The following OPCML variants were observed in gnomAD, a reference collection of about 807,000 sequenced individuals.
The protein encoded by OPCML is opioid binding protein/cell adhesion molecule like, also known as opioid-binding protein/cell adhesion molecule.
In OPCML, 13 loss-of-function variants were observed where a neutral mutation model predicts 37.8. The observed-to-expected ratio is 0.34, with a 90% CI of 0.22 to 0.55. The LOEUF is 0.55. Ranked by LOEUF, OPCML falls within the 20% of genes least tolerant of loss-of-function variation. The pLI is 0.91. For synonymous variants in OPCML, 176 were observed against 168.8 expected (o/e 1.04, Z -0.33); for missense variants, 341 against 435.6 (o/e 0.78, Z 1.93).
At chr11:132,877,190 A>T (rs1317227076) in intron 2 of OPCML, among the ~76,000 whole-genome samples, 1 of 152,154 alleles carries the variant, frequency 6.6e-6, no homozygotes, top group Non-Finnish European at 1.5e-5. Context: ...AAAATGTGAG[A>T]TTCATCTTTT....
intron 2 of OPCML, among the ~76,000 whole-genome samples, chr11:132,690,766 T>C (rs949387016): frequency 6.6e-6 from 1 of 152,120 alleles, no homozygotes; most frequent in African/African-American, 2.4e-5. Flanking sequence ...AGCATTGGGG[T>C]TAATAAAGCC....
chr11:132,479,008 A>G (rs972438836), intron 4 of OPCML, among the ~76,000 whole-genome samples: 3 of 152,318 alleles, frequency 2.0e-5, no homozygotes, highest in Admixed American at 2.0e-4. Flanking sequence ...AATGCACAGA[A>G]TTAGTTCTTA....
At chr11:133,015,187 G>A (rs1019474025) in intron 1 of OPCML, among the ~76,000 whole-genome samples, 4 of 152,150 alleles carry the variant, frequency 2.6e-5, no homozygotes, top group African/African-American at 9.7e-5. Context: ...TTGATTGATA[G>A]AGTGATAGAT....
At chr11:133,442,112 G>A (rs1446216517) in intron 1 of OPCML, among the ~76,000 whole-genome samples, 1 of 152,178 alleles carries the variant, frequency 6.6e-6, no homozygotes, top group Non-Finnish European at 1.5e-5. Context: ...GCAAAGAAAG[G>A]AGACGTTGCC....
rs184748999 is a variant in OPCML, at chr11:132,478,169, G to T, written c.506-40810C>A. ...TATAATACAGTATATAATAAATTTG[G>T]CTGTATTCAAATAGACTTAGAATCA... On this transcript the variant is annotated intron_variant, in intron 4 of 7. Transcript: ENST00000524381. Among the ~76,000 whole-genome samples the T allele has an allele frequency of 3.7e-4, 56 of 152,260 alleles. No individual in the cohort carries two copies. In the East Asian group the frequency reaches 8.3e-3, roughly 23 times the overall value.
intron 1 of OPCML, among the ~76,000 whole-genome samples, chr11:133,218,814 G>C (rs926987886): frequency 2.0e-5 from 3 of 152,114 alleles, no homozygotes; most frequent in African/African-American, 7.2e-5. Context: ...CTTTGGAATT[G>C]GCACTCATCT....
At chr11:132,479,834 CAAACAG>C (rs2137008316) in intron 4 of OPCML, among the ~76,000 whole-genome samples, 1 of 152,274 alleles carries the variant, frequency 6.6e-6, no homozygotes, top group African/African-American at 2.4e-5. Context: ...GGAAAACTAA[CAAACAG>C]AAAGGACATC....
At chr11:132,678,886 G>C (rs1378311729) in intron 2 of OPCML, among the ~76,000 whole-genome samples, 1 of 152,122 alleles carries the variant, frequency 6.6e-6, no homozygotes, top group East Asian at 1.9e-4. Flanking sequence ...CAGTCTGCCA[G>C]TGATGATGTG....
intron 1 of OPCML, among the ~76,000 whole-genome samples, chr11:132,956,033 C>A (rs999451570): frequency 6.6e-6 from 1 of 152,116 alleles, no homozygotes; most frequent in Non-Finnish European, 1.5e-5. Flanking sequence ...TATCTCTAAC[C>A]CATACCCTCC....
At chr11:133,350,499 G>A (rs1944111137) in intron 1 of OPCML, among the ~76,000 whole-genome samples, 1 of 152,116 alleles carries the variant, frequency 6.6e-6, no homozygotes, top group Non-Finnish European at 1.5e-5. Context: ...TCCCAGAAAT[G>A]GAGATCCCAA....
intron 1 of OPCML, among the ~76,000 whole-genome samples, chr11:132,973,754 C>A (rs1343028046): frequency 6.6e-6 from 1 of 152,216 alleles, no homozygotes; most frequent in Non-Finnish European, 1.5e-5. Flanking sequence ...TCCACAATGA[C>A]TTTTCCAAAC....
intron 1 of OPCML, among the ~76,000 whole-genome samples, chr11:132,953,041 G>C (rs1945895558): frequency 6.6e-6 from 1 of 152,198 alleles, no homozygotes; most frequent in Admixed American, 6.5e-5. Context: ...CCAAGGCTTA[G>C]AGAGTGATCT....
intron 2 of OPCML, among the ~76,000 whole-genome samples, chr11:132,752,099 A>G (rs1359635029): frequency 6.6e-6 from 1 of 152,182 alleles, no homozygotes; most frequent in African/African-American, 2.4e-5. Context: ...TAGTTGAACC[A>G]AAGGACCCAC....
chr11:132,954,126 T>TTTTTGTTTG (rs111503832), intron 1 of OPCML, among the ~76,000 whole-genome samples: 76,060 of 151,088 alleles, frequency 0.5, 19,333 homozygotes, highest in East Asian at 0.72. Context: ...TTTCTTGGGT[T>TTTTTGTTTG]TTTTGTTTGT....
chr11:132,818,850 C>T (rs1333270796), intron 2 of OPCML, among the ~76,000 whole-genome samples: 1 of 149,546 alleles, frequency 6.7e-6, no homozygotes, highest in Non-Finnish European at 1.5e-5. Flanking sequence ...ATGGGTGCAG[C>T]ACACCAAAAT....
At chr11:133,099,391 T>C (rs1949052541) in intron 1 of OPCML, among the ~76,000 whole-genome samples, 1 of 151,520 alleles carries the variant, frequency 6.6e-6, no homozygotes, top group Non-Finnish European at 1.5e-5. Flanking sequence ...GCCTCCTGAG[T>C]AGCTGGGACT....
intron 3 of OPCML, among the ~76,000 whole-genome samples, chr11:132,613,865 C>CA (rs548760321): frequency 6.6e-6 from 1 of 152,018 alleles, no homozygotes; most frequent in Non-Finnish European, 1.5e-5. Flanking sequence ...ATGGAATGAA[C>CA]AAAAGAGTCG....
intron 3 of OPCML, among the ~76,000 whole-genome samples, chr11:132,603,158 T>G (rs1280307898): frequency 1.3e-5 from 2 of 152,204 alleles, no homozygotes; most frequent in Non-Finnish European, 2.9e-5. Context: ...CTCTTCTTCC[T>G]AAATCTGTAT....
Position 132,776,596 on chromosome 11 carries a change from G to A in OPCML, c.147-119277C>T, listed in dbSNP as rs563482790. Among the ~76,000 whole-genome samples, 7 of 151,974 alleles carry A rather than the reference G, an allele frequency of 4.6e-5. No individual in the cohort carries two copies. In the South Asian group the frequency reaches 1.5e-3, roughly 32 times the overall value. ...CCCTCTCTCTCTCTCGCCCCTGCTT[G>A]GGCCACATGACATGCTGGTCCCCCA... On this transcript the variant is annotated intron_variant, in intron 2 of 7. Coordinates refer to ENST00000524381, the MANE Select transcript of OPCML (RefSeq NM_001012393.5).
Sources: allele counts gnomAD v4.1 joint callset (sites outside exome capture counted in the v4.1 genomes callset), GRCh38; gene constraint gnomAD v4.1.1; transcripts MANE v1.5; gene names NCBI Gene and HGNC (gene_info 2026-07-23, HGNC 2026-07-21).